CIST1: variants seen among roughly 807,000 people sequenced by gnomAD.
CIST1 encodes colon, intestine and stomach enriched 1, also known as uncharacterized LOC729966.
chr19:18,251,821 C>T, the CIST1 span, among the ~76,000 whole-genome samples: 1 of 151,864 alleles, frequency 6.6e-6, no homozygotes, highest in African/African-American at 2.4e-5. Context: ...AATGTATAAC[C>T]TGTCTCCCCA....
the CIST1 span, chr19:18,252,604 CTT>C: frequency 5.2e-6 from 2 of 382,642 alleles, no homozygotes; most frequent in African/African-American, 2.3e-5. Context: ...CTCTCTCTCT[CTT>C]TCTCTCTCTC....
At chr19:18,251,438 T>C in the CIST1 span, among the ~76,000 whole-genome samples, 1 of 151,160 alleles carries the variant, frequency 6.6e-6, no homozygotes, top group East Asian at 2.0e-4. Flanking sequence ...TTTTATTTTA[T>C]TTATTTATTT....
At chr19:18,253,134 G>A in the CIST1 span, among the ~76,000 whole-genome samples, 2 of 152,108 alleles carry the variant, frequency 1.3e-5, no homozygotes, top group Non-Finnish European at 2.9e-5. Context: ...TGCATCCCAG[G>A]CAGTGCTGGG....
chr19:18,251,433 TTTTA>T, the CIST1 span, among the ~76,000 whole-genome samples: 3 of 146,718 alleles, frequency 2.0e-5, no homozygotes, highest in Non-Finnish European at 4.5e-5. Flanking sequence ...GCCATTTTTA[TTTTA>T]TTTATTTATT....
the CIST1 span, among the ~76,000 whole-genome samples, chr19:18,254,325 C>CT: frequency 2.6e-5 from 4 of 152,172 alleles, no homozygotes; most frequent in Admixed American, 1.3e-4. Context: ...TGAGGAAAAG[C>CT]TGTGGACTTG....
chr19:18,253,872 TGACTGG>T, the CIST1 span, among the ~76,000 whole-genome samples: 2 of 152,118 alleles, frequency 1.3e-5, no homozygotes, highest in Non-Finnish European at 2.9e-5. Context: ...CAGTTCCAGG[TGACTGG>T]GCCTCTTAGG....
At chr19:18,254,559 T>C in the CIST1 span, among the ~76,000 whole-genome samples, 1 of 152,208 alleles carries the variant, frequency 6.6e-6, no homozygotes, top group Admixed American at 6.5e-5. Flanking sequence ...CTCAGTTTCC[T>C]GAGCTATGAA....
At chr19:18,253,647 T>G in the CIST1 span, among the ~76,000 whole-genome samples, 1 of 151,876 alleles carries the variant, frequency 6.6e-6, no homozygotes, top group Non-Finnish European at 1.5e-5. Context: ...TCAGAGAGGA[T>G]CAGCCCTAAT....
At chr19:18,254,703 G>T in the CIST1 span, among the ~76,000 whole-genome samples, 1 of 152,190 alleles carries the variant, frequency 6.6e-6, no homozygotes, top group Non-Finnish European at 1.5e-5. Flanking sequence ...CAACATAGTG[G>T]CAGGTAAAGG....
At chr19:18,250,509 T>C in the CIST1 span, 3 of 398,344 alleles carry the variant, frequency 7.5e-6, no homozygotes, top group Admixed American at 8.8e-5. Context: ...CTGGGTCCTA[T>C]TCCCCACAAG....
the CIST1 span, chr19:18,252,585 C>T: frequency 2.3e-5 from 9 of 396,990 alleles, no homozygotes; most frequent in Admixed American, 1.8e-4. Context: ...GGCAACATAG[C>T]GAGACCCTCT....
chr19:18,253,239 T>C, the CIST1 span, among the ~76,000 whole-genome samples: 7 of 152,234 alleles, frequency 4.6e-5, no homozygotes, highest in South Asian at 2.1e-4. Context: ...GTCAGGTTCA[T>C]AGTGGGTGTA....
At chr19:18,254,668 G>T in the CIST1 span, among the ~76,000 whole-genome samples, 1 of 152,218 alleles carries the variant, frequency 6.6e-6, no homozygotes, top group African/African-American at 2.4e-5. Context: ...GGTCTGTGGG[G>T]TAGGACACCG....
the CIST1 span, chr19:18,252,450 C>G: frequency 1.5e-5 from 6 of 398,982 alleles, no homozygotes. Context: ...TGTCTCCATA[C>G]TGTTCTCTGA....
At chr19:18,253,850 C>T in the CIST1 span, among the ~76,000 whole-genome samples, 71 of 152,346 alleles carry the variant, frequency 4.7e-4, no homozygotes, top group East Asian at 0.011. Context: ...CCTCCCACAA[C>T]GACTTCCCAC....
chr19:18,250,921 G>A, the CIST1 span, among the ~76,000 whole-genome samples: 8 of 151,646 alleles, frequency 5.3e-5, no homozygotes, highest in Non-Finnish European at 1.2e-4. Flanking sequence ...CTACAAGTGT[G>A]TGCCACCACA....
chr19:18,254,362 C>G, the CIST1 span, among the ~76,000 whole-genome samples: 1 of 152,154 alleles, frequency 6.6e-6, no homozygotes, highest in South Asian at 2.1e-4. Context: ...AGGACACAAG[C>G]CCTGTTGAGT....
the CIST1 span, chr19:18,252,534 G>T: frequency 2.5e-6 from 1 of 398,668 alleles, no homozygotes; most frequent in East Asian, 3.6e-5. Context: ...AGAGGTCAAG[G>T]TGAGAGCATC....
At chr19:18,251,022 C>T in the CIST1 span, among the ~76,000 whole-genome samples, 9 of 152,040 alleles carry the variant, frequency 5.9e-5, no homozygotes, top group East Asian at 1.9e-4. Flanking sequence ...GTGATCCACC[C>T]GCCTCGGCCT....
Sources: gnomAD v4.1 joint callset for allele counts (sites outside exome capture counted in the v4.1 genomes callset) on GRCh38, gnomAD v4.1.1 for gene constraint, MANE v1.5 for transcripts, NCBI Gene and HGNC (gene_info 2026-07-23, HGNC 2026-07-21) for gene names.